Variants in PTBP3 observed in about 807,000 individuals in gnomAD.
PTBP3 encodes the protein polypyrimidine tract-binding protein 3.
PTBP3 carries 20 observed loss-of-function variants against 58.7 expected under a neutral mutation model. The ratio of observed to expected loss-of-function variants is 0.34; its 90% CI spans 0.24 to 0.50. The LOEUF (loss-of-function observed/expected upper bound fraction) is 0.50, where lower values mean the gene tolerates loss of function less well. Ranked by LOEUF, PTBP3 falls within the 20% of genes least tolerant of loss-of-function variation. The pLI is 0.98. For missense variants in PTBP3, 509 were observed against 637.2 expected (o/e 0.80, Z 2.17); for synonymous variants, 185 against 219.8 (o/e 0.84, Z 1.40).
chr9:112,236,457 C>T (rs1026451310), intron 7 of PTBP3, among the ~76,000 whole-genome samples: 12 of 151,978 alleles, frequency 7.9e-5, no homozygotes, highest in African/African-American at 2.9e-4. Flanking sequence ...ATTTTTACAA[C>T]AGAAAACACT....
intron 4 of PTBP3, among the ~76,000 whole-genome samples, chr9:112,267,270 A>T (rs1589842773): frequency 6.7e-6 from 1 of 148,492 alleles, no homozygotes; most frequent in South Asian, 2.1e-4. Flanking sequence ...GGCTCACGCC[A>T]TTCCCCTGTC....
chr9:112,330,712 T>C (rs1157188492), intron 1 of PTBP3, among the ~76,000 whole-genome samples: 1 of 152,218 alleles, frequency 6.6e-6, no homozygotes, highest in African/African-American at 2.4e-5. Flanking sequence ...TATCTTTTAG[T>C]ATTTAGGAAA....
At chr9:112,375,198 G>A in the PTBP3 span, among the ~76,000 whole-genome samples, 1 of 152,168 alleles carries the variant, frequency 6.6e-6, no homozygotes, top group Non-Finnish European at 1.5e-5. Flanking sequence ...CACAGTTTTT[G>A]AGCATTCAGA....
chr9:112,352,791 C>T, the PTBP3 span, among the ~76,000 whole-genome samples: 1 of 152,186 alleles, frequency 6.6e-6, no homozygotes, highest in African/African-American at 2.4e-5. Flanking sequence ...ATGTCAGTTG[C>T]ATAGTTTGAC....
intron 2 of PTBP3, chr9:112,281,303 C>T (rs1330251536): frequency 5.8e-6 from 1 of 173,070 alleles, no homozygotes; most frequent in Non-Finnish European, 1.3e-5. Context: ...GCTTACAATA[C>T]TTTTCCTTGA....
chr9:112,307,331 G>A (rs1034888749), intron 1 of PTBP3, among the ~76,000 whole-genome samples: 1 of 152,114 alleles, frequency 6.6e-6, no homozygotes, highest in Non-Finnish European at 1.5e-5. Context: ...CCACACACCT[G>A]TAGTCCCAGC....
the PTBP3 span, among the ~76,000 whole-genome samples, chr9:112,338,735 G>C: frequency 6.6e-6 from 1 of 152,214 alleles, no homozygotes; most frequent in African/African-American, 2.4e-5. Flanking sequence ...TATTTGAAGA[G>C]GCGGCATGTA....
At chr9:112,331,377 T>A (rs1395336054) in intron 1 of PTBP3, among the ~76,000 whole-genome samples, 1 of 152,186 alleles carries the variant, frequency 6.6e-6, no homozygotes, top group Non-Finnish European at 1.5e-5. Flanking sequence ...CAAGAAACTG[T>A]CTTCGATTAA....
upstream of PTBP3, among the ~76,000 whole-genome samples, chr9:112,337,664 A>G (rs758000821): frequency 1.3e-5 from 2 of 152,152 alleles, no homozygotes; most frequent in Admixed American, 6.6e-5. Flanking sequence ...TTAGTTTATA[A>G]TTTTTCTAAC....
chr9:112,296,766 T>C (rs753043385), intron 2 of PTBP3, among the ~76,000 whole-genome samples: 1 of 152,216 alleles, frequency 6.6e-6, no homozygotes, highest in Non-Finnish European at 1.5e-5. Context: ...CTGTTCTTCC[T>C]ACATTCGAAT....
intron 2 of PTBP3, 141 bp from the exon 3 acceptor site, chr9:112,276,154 G>C (rs971291376): frequency 2.9e-6 from 2 of 681,158 alleles, no homozygotes; most frequent in East Asian, 2.9e-5. Flanking sequence ...GGGGTAGGTG[G>C]AAAAGGAGAG....
chr9:112,234,368 C>G (rs1391204890), intron 8 of PTBP3, among the ~76,000 whole-genome samples: 1 of 152,118 alleles, frequency 6.6e-6, no homozygotes, highest in Non-Finnish European at 1.5e-5. Context: ...AAAAGGTTTT[C>G]CAAAGATGAA....
intron 1 of PTBP3, among the ~76,000 whole-genome samples, chr9:112,331,958 C>T (rs890836635): frequency 6.6e-6 from 1 of 152,176 alleles, no homozygotes. Context: ...AGACAATTAA[C>T]TACACATAAT....
intron 1 of PTBP3, among the ~76,000 whole-genome samples, chr9:112,301,367 T>C (rs1248027748): frequency 1.3e-5 from 2 of 151,182 alleles, no homozygotes; most frequent in African/African-American, 4.9e-5. Flanking sequence ...GACCAGGATG[T>C]GGAAAAAATA....
the PTBP3 span, among the ~76,000 whole-genome samples, chr9:112,340,253 T>G: frequency 9.2e-5 from 14 of 152,350 alleles, no homozygotes; most frequent in African/African-American, 3.1e-4. Flanking sequence ...TTCCTTTTGT[T>G]TCTGAAACTG....
the PTBP3 span, among the ~76,000 whole-genome samples, chr9:112,377,996 G>A: frequency 0.36 from 54,192 of 152,058 alleles, 10,384 homozygotes; most frequent in Admixed American, 0.49. Context: ...CTTTTAAATG[G>A]CTTCTGTGCC....
At chr9:112,241,004 A>G (rs1253275764) in intron 7 of PTBP3, among the ~76,000 whole-genome samples, 1 of 152,230 alleles carries the variant, frequency 6.6e-6, no homozygotes, top group African/African-American at 2.4e-5. Flanking sequence ...CAAGGTAAGT[A>G]TTATTACGAA....
At chr9:112,307,411 C>T (rs1024912539) in intron 1 of PTBP3, among the ~76,000 whole-genome samples, 3 of 152,090 alleles carry the variant, frequency 2.0e-5, no homozygotes, top group African/African-American at 7.2e-5. Flanking sequence ...AAGATCATGC[C>T]ACTGCACTCT....
chr9:112,332,454 T>C (rs937405351), intron 1 of PTBP3, among the ~76,000 whole-genome samples: 4 of 152,186 alleles, frequency 2.6e-5, no homozygotes, highest in African/African-American at 7.2e-5. Context: ...AAGTTGCATA[T>C]ATTCCACAAC....
Sources: gnomAD v4.1 joint callset for allele counts (sites outside exome capture counted in the v4.1 genomes callset) on GRCh38, gnomAD v4.1.1 for gene constraint, MANE v1.5 for transcripts, NCBI Gene and HGNC (gene_info 2026-07-23, HGNC 2026-07-21) for gene names.